RADIL: variants seen among roughly 807,000 people sequenced by gnomAD.
RADIL encodes the protein ras-associating and dilute domain-containing protein.
A neutral mutation model predicts 97.6 loss-of-function variants in RADIL; 99 were observed. The observed-to-expected ratio is 1.01, with a 90% CI of 0.86 to 1.20. RADIL has a LOEUF of 1.20. Among genes scored for constraint, RADIL ranks in the 50% most tolerant of loss-of-function variants. The pLI is 0.00. For missense variants in RADIL, 1,765 were observed against 1,498.9 expected, an observed-to-expected ratio of 1.18 and a Z score of -2.93; for synonymous variants, 803 against 691.8, an observed-to-expected ratio of 1.16 and a Z score of -2.52.
intron 5 of RADIL, among the ~76,000 whole-genome samples, chr7:4,823,993 C>A (rs1441312479): frequency 6.6e-6 from 1 of 152,250 alleles, no homozygotes; most frequent in African/African-American, 2.4e-5. Context: ...CCTAAGTCTC[C>A]ATAATCGCAC....
intron 2 of RADIL, among the ~76,000 whole-genome samples, chr7:4,847,389 T>C (rs1029190445): frequency 2.6e-5 from 4 of 152,138 alleles, no homozygotes; most frequent in African/African-American, 2.4e-5. Flanking sequence ...TCATACACGA[T>C]TGCTGGAAAG....
rs768626346 is a variant in RADIL at position 4,801,789 on chromosome 7, C to G, written c.2706G>C (p.Leu902Phe). ...AGPPHTDSSCLLTPPSTPLGP... is the reference protein window; with the variant it reads ...AGPPHTDSSCFLTPPSTPLGP... ...CAAGTGGAGTGCTGGGAGGCGTGAG[C>G]AAGCAGGACGAGTCCGTGTGCGGGG... Residue 902 changes from leucine (L) to phenylalanine (F), a missense_variant, in exon 12 of 15, where the codon TTG (leucine) becomes TTC (phenylalanine). Transcript: ENST00000399583. 2 of 1,610,108 alleles carry G rather than the reference C, an allele frequency of 1.2e-6. No individual in the cohort carries two copies. The highest frequency in any genetic ancestry group is 1.1e-5 in the South Asian group (1 of 90,698).
chr7:4,870,010 G>A (rs1191610118), intron 2 of RADIL, among the ~76,000 whole-genome samples: 2 of 152,228 alleles, frequency 1.3e-5, no homozygotes, highest in African/African-American at 4.8e-5. Context: ...GTGTTGGCAT[G>A]TGCCTGTGTT....
intron 2 of RADIL, among the ~76,000 whole-genome samples, chr7:4,876,897 G>A (rs1583330652): frequency 6.6e-6 from 1 of 152,230 alleles, no homozygotes; most frequent in African/African-American, 2.4e-5. Flanking sequence ...GTTTTGGCCT[G>A]GGACAGATTC....
At chr7:4,799,589 C>T (rs372012359) in intron 14 of RADIL, 41 bp downstream of exon 14, 12 of 1,606,534 alleles carry the variant, frequency 7.5e-6, no homozygotes, top group Admixed American at 1.7e-5. Context: ...CTGAGCAGGG[C>T]ATCTGGGAGA....
At chr7:4,827,611 A>G (rs1019391483) in intron 5 of RADIL, among the ~76,000 whole-genome samples, 6 of 152,220 alleles carry the variant, frequency 3.9e-5, no homozygotes, top group Non-Finnish European at 8.8e-5. Context: ...CAGTGAGCCG[A>G]GATCGTGCCA....
Position 4,822,654 on chromosome 7 carries a change from C to T in RADIL, c.1455-100G>A. ...TAAGGATGCGCGTTTTCATGGGACGCTGACAACAACTGCAACCATCAACCT... is the reference window on the plus strand; with the variant it reads ...TAAGGATGCGCGTTTTCATGGGACGTTGACAACAACTGCAACCATCAACCT... On this transcript the variant is annotated intron_variant, in intron 5 of 14. Transcript: ENST00000399583. This position sits in a 1 kb window ranked among gnomAD's most constrained non-coding sequence, Gnocchi z 5.3. 7.6e-7 allele frequency: 1 copy of T among 1,311,016 alleles called. No individual in the cohort carries two copies. The highest frequency in any genetic ancestry group is 2.3e-5 in the East Asian group (1 of 42,570). The allele number at this position is 1,311,016 out of a possible 1,614,324, so 81.2% of individuals were successfully genotyped here. A position where few individuals can be genotyped will look rare whatever the true frequency, so the allele number is the denominator to read the frequency against.
At position 4,799,758 on chromosome 7, in the gene RADIL, C is replaced by G; in HGVS notation, c.2994G>C (p.Leu998=). 3 of 1,538,478 alleles carry G rather than the reference C, an allele frequency of 1.9e-6. No homozygotes were observed. The highest frequency in any genetic ancestry group is 2.7e-5 in the African/African-American group (2 of 73,268). The change falls in exon 14 of 15, where the codon CTG becomes CTC. Residue 998 remains leucine (L), a synonymous_variant. Transcript: ENST00000399583. ...MGLIDGMHTH[L]GAPGLYIQTL... ...TCTGGATGTAGAGCCCGGGGGCGCC[C>G]AGGTGCGTGTGCTGGGGACAAGCAG...
chr7:4,869,930 A>G (rs534978639), intron 2 of RADIL, among the ~76,000 whole-genome samples: 18 of 152,358 alleles, frequency 1.2e-4, no homozygotes, highest in African/African-American at 4.3e-4. Context: ...CAGGAGTTCA[A>G]GACCATGCTG....
chr7:4,851,762 G>T (rs964890529), intron 2 of RADIL, among the ~76,000 whole-genome samples: 3 of 152,196 alleles, frequency 2.0e-5, no homozygotes, highest in African/African-American at 7.2e-5. Flanking sequence ...AGCAAAAAAA[G>T]AACCAGGACT....
chr7:4,809,423 C>T (rs2115176532), intron 9 of RADIL: 1 of 985,446 alleles, frequency 1.0e-6, no homozygotes, highest in East Asian at 1.1e-4. Context: ...CCTTTCCGTG[C>T]ACACAGGAAA....
In RADIL at chr7:4,842,573, G is replaced by A. The variant is rs774556197; in HGVS notation, c.536-5968C>T. 6.6e-6 allele frequency among the ~76,000 whole-genome samples: 1 copy of A among 152,078 alleles called. No homozygotes were observed. The highest frequency in any genetic ancestry group is 2.1e-4 in the South Asian group (1 of 4,816). ...GCTGGTGACCGTCACCAGCTCCCACGGACTCTGAACAGCCCTGGAAAGAAA... is the reference window on the plus strand; with the variant it reads ...GCTGGTGACCGTCACCAGCTCCCACAGACTCTGAACAGCCCTGGAAAGAAA... On this transcript the variant is annotated intron_variant, in intron 2 of 14. Transcript: ENST00000399583. The surrounding 1 kb of genome is among the most constrained non-coding windows in gnomAD (Gnocchi z 4.5).
chr7:4,838,027 C>T (rs977158531), intron 2 of RADIL: 10 of 985,332 alleles, frequency 1.0e-5, no homozygotes, highest in Non-Finnish European at 8.4e-6. Context: ...CCCCGCCGTC[C>T]TTCCCAAGGC....
At chr7:4,804,858 G>C (rs1280367309) in intron 10 of RADIL, among the ~76,000 whole-genome samples, 1 of 152,028 alleles carries the variant, frequency 6.6e-6, no homozygotes, top group African/African-American at 2.4e-5. Flanking sequence ...CACTTTGGGA[G>C]GCTGAGGTGG....
chr7:4,799,818 C>A (rs1434117225), intron 13 of RADIL, 49 bp from the exon 14 acceptor site: 1 of 1,453,292 alleles, frequency 6.9e-7, no homozygotes, highest in Non-Finnish European at 9.0e-7. Context: ...ACTGGCTGTC[C>A]CCAGCGAGGA....
At chr7:4,809,269 C>T (rs1368482173) in intron 9 of RADIL, 33 of 985,336 alleles carry the variant, frequency 3.3e-5, no homozygotes, top group Non-Finnish European at 3.9e-5. Context: ...GGCGAGAGGC[C>T]GGGGCCCCCC....
intron 2 of RADIL, chr7:4,861,895 A>C: frequency 3.1e-6 from 2 of 641,600 alleles, no homozygotes; most frequent in Non-Finnish European, 4.3e-6. Flanking sequence ...GCTGAGGCGG[A>C]AGGGCAGGGC....
At chr7:4,871,906 C>T (rs1485791881) in intron 2 of RADIL, among the ~76,000 whole-genome samples, 2 of 152,176 alleles carry the variant, frequency 1.3e-5, no homozygotes, top group South Asian at 2.1e-4. Flanking sequence ...CTGGCTAAAC[C>T]TCGGCGGCTT....
In RADIL at chr7:4,817,233, G is replaced by T. The variant is rs199838782; in HGVS notation, c.1728+6C>A. Reference sequence around the variant, plus strand: ...CTGAGTGCAGAAGCAGAGCCCGTCCGTGCACCTTGGAGACATAGTAGACGC... The same window carrying T: ...CTGAGTGCAGAAGCAGAGCCCGTCCTTGCACCTTGGAGACATAGTAGACGC... On this transcript the variant is annotated splice_donor_region_variant and intron_variant, in intron 7 of 14. Coordinates refer to ENST00000399583, the MANE Select transcript of RADIL (RefSeq NM_018059.5). The surrounding 1 kb of genome is among the most constrained non-coding windows in gnomAD (Gnocchi z 8.3). The T allele has an allele frequency of 2.5e-6, 4 of 1,607,282 alleles. No homozygotes were observed. The highest frequency in any genetic ancestry group is 3.4e-6 in the Non-Finnish European group (4 of 1,176,128).
Sources: allele counts gnomAD v4.1 joint callset (sites outside exome capture counted in the v4.1 genomes callset), GRCh38; gene constraint gnomAD v4.1.1; non-coding constraint Gnocchi (gnomAD v3.1); transcripts MANE v1.5; gene names NCBI Gene and HGNC (gene_info 2026-07-23, HGNC 2026-07-21).